The following MRPS35 variants were observed in gnomAD, a reference collection of about 807,000 sequenced individuals.
MRPS35 encodes the protein small ribosomal subunit protein mS35.
In MRPS35, 29 loss-of-function variants were observed where a neutral mutation model predicts 32.7. That is an observed-to-expected ratio of 0.89 (90% CI 0.66 to 1.21). The LOEUF (loss-of-function observed/expected upper bound fraction) is 1.21. Ranked by LOEUF, MRPS35 falls within the 50% of genes most tolerant of loss-of-function variation. MRPS35 has a pLI of 0.00. For missense variants in MRPS35, 373 were observed against 383.8 expected, an observed-to-expected ratio of 0.97 and a Z score of 0.23; for synonymous variants, 148 against 139.3, an observed-to-expected ratio of 1.06 and a Z score of -0.44.
At chr12:27,726,252 G>A (rs1044155431) in intron 5 of MRPS35, among the ~76,000 whole-genome samples, 1 of 152,008 alleles carries the variant, frequency 6.6e-6, no homozygotes, top group Non-Finnish European at 1.5e-5. Flanking sequence ...TTACAGAAAT[G>A]GAACCATGCA....
intron 5 of MRPS35, among the ~76,000 whole-genome samples, chr12:27,726,931 G>T (rs1182386248): frequency 6.7e-6 from 1 of 148,576 alleles, no homozygotes; most frequent in African/African-American, 2.5e-5. Flanking sequence ...CCATTCTTTG[G>T]GTTGTCCTCT....
Position 27,732,303 on chromosome 12 carries a change from T to C in MRPS35, c.523-3144T>C, listed in dbSNP as rs766098780. 3.7e-4 allele frequency among the ~76,000 whole-genome samples: 56 copies of C among 152,234 alleles called. 1 individual carries two copies. The highest frequency in any genetic ancestry group is 3.1e-4 in the Non-Finnish European group (21 of 68,034). On this transcript the variant is annotated intron_variant, in intron 5 of 7. Coordinates refer to ENST00000081029, the MANE Select transcript of MRPS35 (RefSeq NM_021821.4). ...ACTGGTTCTAAGTTTGCTTATTTTA[T>C]TTCACACAAAAATAATCTCATTGCT...
intron 7 of MRPS35, among the ~76,000 whole-genome samples, chr12:27,749,762 T>C (rs1281823917): frequency 2.0e-5 from 3 of 152,222 alleles, no homozygotes; most frequent in African/African-American, 7.2e-5. Context: ...CAACAACATT[T>C]ATGTAATGTT....
At chr12:27,714,951 AGCCC>A in intron 2 of MRPS35, 131 bp downstream of exon 2, 1 of 716,934 alleles carries the variant, frequency 1.4e-6, no homozygotes, top group Non-Finnish European at 2.3e-6. Context: ...TGATTGCCAT[AGCCC>A]TGGCAGAGGT....
chr12:27,723,950 G>A lies in MRPS35; in HGVS notation c.383-97G>A, dbSNP rs1422125162. 6 of 1,161,400 alleles carry A rather than the reference G, an allele frequency of 5.2e-6. No individual in the cohort carries two copies. The Admixed American group carries it at 1.7e-4, about 32-fold the overall frequency. 71.9% of individuals were successfully genotyped at this position (1,161,400 alleles called of 1,614,324 possible). A position where few individuals can be genotyped will look rare whatever the true frequency, so the allele number is the denominator to read the frequency against. ...GAGAATCTGTTCTTTCATGTAACTT[G>A]GTGATGCTCTCAGTAATTTGGTATT... On this transcript the variant is annotated intron_variant, in intron 4 of 7. Transcript: ENST00000081029.
chr12:27,716,152 G>C (rs1425631637), intron 2 of MRPS35, 139 bp from the exon 3 acceptor site: 1 of 699,590 alleles, frequency 1.4e-6, no homozygotes, highest in Non-Finnish European at 2.2e-6. Flanking sequence ...CAGCAGCATT[G>C]TGGGAGGTCA....
At chr12:27,745,029 C>T (rs1243411990) in intron 7 of MRPS35, among the ~76,000 whole-genome samples, 1 of 152,158 alleles carries the variant, frequency 6.6e-6, no homozygotes, top group Admixed American at 6.5e-5. Context: ...GATCTCGGCT[C>T]ACTGCAGACT....
rs769188752 is a variant in MRPS35 at position 27,755,344 on chromosome 12, T to C, written c.866T>C (p.Ile289Thr). 3.7e-6 allele frequency: 6 copies of C among 1,609,708 alleles called. No homozygotes were observed. The African/African-American group carries it at 5.4e-5, about 14-fold the overall frequency. Residue 289 changes from isoleucine (I) to threonine (T), a missense_variant, in exon 8 of 8, where the codon ATT becomes ACT. Ile to Thr is a moderately conservative substitution (Grantham distance 89, BLOSUM62 -1). Coordinates refer to ENST00000081029, the MANE Select transcript of MRPS35 (RefSeq NM_021821.4). ...NKEELLGTKE[I>T]EEYKKSVVSL... ...GAAGAGCTCCTTGGTACTAAAGAAA[T>C]TGAAGAGTACAAAAAGTCTGTTGTT...
chr12:27,736,985 C>T (rs2061945286), intron 6 of MRPS35, among the ~76,000 whole-genome samples: 1 of 152,194 alleles, frequency 6.6e-6, no homozygotes, highest in African/African-American at 2.4e-5. Flanking sequence ...TATGCAGTCT[C>T]CTGCCTCAGT....
intron 5 of MRPS35, among the ~76,000 whole-genome samples, chr12:27,728,153 A>G (rs767803847): frequency 1.3e-5 from 2 of 152,072 alleles, no homozygotes; most frequent in Non-Finnish European, 2.9e-5. Context: ...TTCCGTTTGC[A>G]TGTTGATCCA....
Position 27,755,509 on chromosome 12 carries a change from C to A in MRPS35, c.*59C>A. On this transcript the variant is annotated 3_prime_UTR_variant, in exon 8 of 8. Coordinates refer to ENST00000081029, the MANE Select transcript of MRPS35 (RefSeq NM_021821.4). ...ATTTTATGATATATGTGATCAGTAT[C>A]TAATTTGATATAAAATTGAAAATGT... is the stretch of plus-strand genomic sequence containing the variant. 1 of 1,359,846 alleles carries A rather than the reference C, an allele frequency of 7.4e-7. No individual in the cohort carries two copies. Among genetic ancestry groups the A allele is most frequent in the African/African-American group, 1.5e-5 (1 of 67,126 alleles). 84.2% of individuals were successfully genotyped at this position (1,359,846 alleles called of 1,614,324 possible).
intron 7 of MRPS35, among the ~76,000 whole-genome samples, chr12:27,748,969 C>T (rs2061990593): frequency 2.0e-5 from 3 of 152,114 alleles, no homozygotes; most frequent in Admixed American, 2.0e-4. Context: ...GCATGGGCAA[C>T]ATAGTGAGAC....
At chr12:27,733,445 A>G (rs749030911) in intron 5 of MRPS35, among the ~76,000 whole-genome samples, 4 of 152,176 alleles carry the variant, frequency 2.6e-5, no homozygotes, top group Non-Finnish European at 5.9e-5. Context: ...AAAAGCTAGA[A>G]TACTTTAAGC....
chr12:27,748,438 G>GGTGTGTGTGT lies in MRPS35; in HGVS notation c.703-6719_703-6710dup, dbSNP rs35760106. On this transcript the variant is annotated intron_variant, in intron 7 of 7. Coordinates refer to ENST00000081029, the MANE Select transcript of MRPS35 (RefSeq NM_021821.4). ...TGCAGGCAGGAAGAAAAAGAAAAGTGGTGTGTGTGTGTGTGTGTGTGTGTG... is the reference window on the plus strand; with the variant it reads ...TGCAGGCAGGAAGAAAAAGAAAAGTGGTGTGTGTGTGTGTGTGTGTGTGTGTGTGTGTGTG... Among the ~76,000 whole-genome samples, 1,322 of 146,056 alleles carry GGTGTGTGTGT rather than the reference G, an allele frequency of 9.1e-3. 14 individuals carry two copies. The highest frequency in any genetic ancestry group is 0.023 in the African/African-American group (921 of 39,442).
chr12:27,741,411 T>C (rs1354640211), intron 7 of MRPS35, among the ~76,000 whole-genome samples: 2 of 152,152 alleles, frequency 1.3e-5, no homozygotes, highest in East Asian at 1.9e-4. Flanking sequence ...TTGTGTAAAG[T>C]GTCTGGCAAA....
intron 7 of MRPS35, among the ~76,000 whole-genome samples, chr12:27,742,747 A>G (rs2061968739): frequency 6.6e-6 from 1 of 152,234 alleles, no homozygotes; most frequent in South Asian, 2.1e-4. Context: ...GGCAACATTG[A>G]GCTGATACAG....
chr12:27,724,306 A>C, intron 5 of MRPS35, 120 bp downstream of exon 5: 1 of 847,166 alleles, frequency 1.2e-6, no homozygotes, highest in Non-Finnish European at 1.6e-6. Context: ...TGGGAGGCCA[A>C]GGTGGGAGAA....
intron 7 of MRPS35, among the ~76,000 whole-genome samples, chr12:27,740,089 A>G (rs1460029729): frequency 6.6e-6 from 1 of 152,244 alleles, no homozygotes; most frequent in Non-Finnish European, 1.5e-5. Context: ...CGGAGCTGCT[A>G]GAAAAGAATT....
At chr12:27,717,026 G>A (rs1352627510) in intron 3 of MRPS35, among the ~76,000 whole-genome samples, 1 of 151,978 alleles carries the variant, frequency 6.6e-6, no homozygotes, top group Non-Finnish European at 1.5e-5. Context: ...CAATCTTGTG[G>A]CTTCCCTTGT....
Sources: allele counts gnomAD v4.1 joint callset (sites outside exome capture counted in the v4.1 genomes callset), GRCh38; gene constraint gnomAD v4.1.1; transcripts MANE v1.5; gene names NCBI Gene and HGNC (gene_info 2026-07-23, HGNC 2026-07-21).